The following TNRC6C variants were observed in gnomAD, a reference collection of about 807,000 sequenced individuals.
The protein encoded by TNRC6C is trinucleotide repeat containing adaptor 6C.
A neutral mutation model predicts 153.7 loss-of-function variants in TNRC6C; 20 were observed. The ratio of observed to expected loss-of-function variants is 0.13; its 90% CI spans 0.09 to 0.19. The LOEUF (loss-of-function observed/expected upper bound fraction) is 0.19. TNRC6C is among the 10% of genes least tolerant of loss of function. The pLI is 1.00. For missense variants in TNRC6C, 1,987 were observed against 2,172.0 expected (o/e 0.91, Z 1.69); for synonymous variants, 811 against 841.4 (o/e 0.96, Z 0.63).
In TNRC6C at chr17:78,075,189, G is replaced by A. The variant is rs1291733883; in HGVS notation, c.2971G>A (p.Asp991Asn). 5.0e-6 allele frequency: 8 copies of A among 1,610,330 alleles called. No homozygotes were observed. Among genetic ancestry groups the A allele is most frequent in the Admixed American group, 1.7e-5 (1 of 59,528 alleles). The change falls in exon 8 of 20, where the codon GAC becomes AAC. Residue 991 changes from aspartate (D) to asparagine (N), a missense_variant. Transcript: ENST00000301624. The surrounding 1 kb of genome is among the most constrained non-coding windows in gnomAD (Gnocchi z 4.2). ...GGACAAGCGTGGGCTGGGAGTGACC[G>A]ACCATAATGGAATGGCCGCCAAGCC...
intron 3 of TNRC6C, among the ~76,000 whole-genome samples, chr17:78,063,041 T>C (rs2072799576): frequency 6.6e-6 from 1 of 151,772 alleles, no homozygotes; most frequent in African/African-American, 2.4e-5. Flanking sequence ...AGGTCAGGAG[T>C]TCGAGACCAG....
chr17:78,068,914 A>C (rs1407751003), intron 5 of TNRC6C, among the ~76,000 whole-genome samples: 1 of 152,204 alleles, frequency 6.6e-6, no homozygotes, highest in Non-Finnish European at 1.5e-5. Context: ...TGCCCAATTC[A>C]GTCCACATTC....
In TNRC6C at chr17:78,049,384, G is replaced by A. The variant is rs747226511; in HGVS notation, c.322G>A (p.Ala108Thr). The change falls in exon 3 of 20, where the codon GCC (alanine) becomes ACC (threonine). Residue 108 changes from alanine to threonine, a missense_variant. Ala to Thr is a moderately conservative substitution (Grantham distance 58). This residue lies in a region of TNRC6C where 1,052 missense variants were observed against 1,017.0 expected (regional missense o/e 1.03). Transcript: ENST00000301624. This position sits in a 1 kb window ranked among gnomAD's most constrained non-coding sequence, Gnocchi z 4.1. The stretch of plus-strand genomic sequence containing the variant: ...CCTTAATCCTAATGCCAACCCAGCT[G>A]CCTGGCCTGTACTTGGACATGAAGG... 2 of 1,614,016 alleles carry A rather than the reference G, an allele frequency of 1.2e-6. No individual in the cohort carries two copies. The highest frequency in any genetic ancestry group is 2.2e-5 in the East Asian group (1 of 44,886).
intron 13 of TNRC6C, among the ~76,000 whole-genome samples, chr17:78,088,446 C>CAAGTCTCAA (rs1246502540): frequency 2.0e-5 from 3 of 151,840 alleles, no homozygotes; most frequent in Non-Finnish European, 2.9e-5. Flanking sequence ...GTTGCCCAGG[C>CAAGTCTCAA]AAGTCTCAAA....
intron 1 of TNRC6C, among the ~76,000 whole-genome samples, chr17:77,979,864 C>T (rs528439476): frequency 7.9e-5 from 12 of 152,244 alleles, no homozygotes; most frequent in East Asian, 3.9e-4. Context: ...GCAGTAAAGA[C>T]GGACAGTCTA....
upstream of TNRC6C, chr17:77,959,096 AGCCGCCGCCGCC>A (rs1005525455): frequency 7.0e-6 from 1 of 142,102 alleles, no homozygotes; most frequent in Admixed American, 7.0e-5. Flanking sequence ...CCGCCGCCGC[AGCCGCCGCCGCC>A]GCCCGCGCCG....
At chr17:78,029,987 GT>G (rs2143697480) in intron 1 of TNRC6C, among the ~76,000 whole-genome samples, 1 of 152,100 alleles carries the variant, frequency 6.6e-6, no homozygotes, top group African/African-American at 2.4e-5. Flanking sequence ...GCCTTAGGCT[GT>G]TTTACAGTTA....
intron 15 of TNRC6C, 197 bp from the exon 18 acceptor site, chr17:78,093,423 T>C: frequency 2.7e-6 from 2 of 736,022 alleles, no homozygotes; most frequent in South Asian, 3.8e-5. Flanking sequence ...ACTAGCTTAA[T>C]ATGATAGCTG....
At position 78,084,644 on chromosome 17, in the gene TNRC6C, G is replaced by A. The variant is rs1331313977; in HGVS notation, c.3477+1478G>A. On this transcript the variant is annotated intron_variant, in intron 11 of 19. Coordinates refer to ENST00000301624, the Ensembl canonical transcript of TNRC6C. ...TTCTTTTTTTTTTTTTTTTGAGACG[G>A]CGTCTTGCTAGTCTTGCTCTGTTGC... Among the ~76,000 whole-genome samples, 3 of 148,704 alleles carry A rather than the reference G, an allele frequency of 2.0e-5. No individual in the cohort carries two copies. In the East Asian group the frequency reaches 5.9e-4, roughly 29 times the overall value.
chr17:77,963,301 A>T (rs2070874930), intron 1 of TNRC6C, among the ~76,000 whole-genome samples: 3 of 152,232 alleles, frequency 2.0e-5, no homozygotes, highest in African/African-American at 7.2e-5. Flanking sequence ...TGTTTGAATA[A>T]CCCGATTAAA....
intron 17 of TNRC6C, among the ~76,000 whole-genome samples, chr17:78,099,568 A>G (rs934448832): frequency 2.0e-5 from 3 of 152,296 alleles, no homozygotes; most frequent in Middle Eastern, 3.4e-3. Flanking sequence ...TATCACGAGA[A>G]CAGCATGGAA....
chr17:78,031,061 A>C (rs1035246922), intron 1 of TNRC6C, among the ~76,000 whole-genome samples: 20 of 152,060 alleles, frequency 1.3e-4, no homozygotes, highest in African/African-American at 4.1e-4. Context: ...ATGGTGCCAT[A>C]CTGCCCTCCA....
At chr17:78,103,544 C>T (rs1348572533) in exon 19 of TNRC6C, 1 of 1,613,986 alleles carries the variant, frequency 6.2e-7, no homozygotes, top group Non-Finnish European at 8.5e-7. Flanking sequence ...GCCCAGAAGT[C>T]TCTGCACATG....
rs575140776 is a variant in TNRC6C, at chr17:78,022,349, G to A, written c.-545-9167G>A. On this transcript the variant is annotated intron_variant, in intron 1 of 19. Transcript: ENST00000301624. The stretch of plus-strand genomic sequence containing the variant: ...AGGAAACCATATTCCATATCCAAAT[G>A]TCTTAGAATTTGGTGGTTTATATTG... Among the ~76,000 whole-genome samples the A allele has an allele frequency of 1.5e-3, 224 of 152,316 alleles. 1 individual carries two copies. Among genetic ancestry groups the A allele is most frequent in the African/African-American group, 5.2e-3 (215 of 41,554 alleles).
chr17:77,979,102 A>ATAAATATGTTT (rs2071039358), intron 1 of TNRC6C, among the ~76,000 whole-genome samples: 1 of 152,206 alleles, frequency 6.6e-6, no homozygotes, highest in Non-Finnish European at 1.5e-5. Context: ...GGTAATGTTG[A>ATAAATATGTTT]TAAATATGTT....
chr17:77,960,437 A>C (rs551232678), intron 1 of TNRC6C, among the ~76,000 whole-genome samples: 1 of 152,306 alleles, frequency 6.6e-6, no homozygotes, highest in Non-Finnish European at 1.5e-5. Context: ...ACGTCCCTGA[A>C]TGTAATTTGA....
intron 15 of TNRC6C, chr17:78,093,348 A>G (rs1312619298): frequency 7.5e-6 from 5 of 668,974 alleles, no homozygotes; most frequent in Non-Finnish European, 7.5e-6. Context: ...TGAGGAGTGG[A>G]AGGGGTGGCA....
At chr17:77,996,535 G>A (rs1465340042) in intron 1 of TNRC6C, among the ~76,000 whole-genome samples, 2 of 152,192 alleles carry the variant, frequency 1.3e-5, no homozygotes, top group African/African-American at 2.4e-5. Flanking sequence ...TTGGCCTACT[G>A]TGAGTCTCAT....
At chr17:78,077,691 C>A in intron 9 of TNRC6C, 2 of 236,174 alleles carry the variant, frequency 8.5e-6, no homozygotes, top group African/African-American at 2.3e-5. Flanking sequence ...TCATGGCAAC[C>A]AAAACGACGT....
Sources: gnomAD v4.1 joint callset for allele counts (sites outside exome capture counted in the v4.1 genomes callset) on GRCh38, gnomAD v4.1.1 for gene constraint, gnomAD v4.1.1 regional missense constraint, Gnocchi (gnomAD v3.1) non-coding constraint, MANE v1.5 for transcripts, NCBI Gene and HGNC (gene_info 2026-07-23, HGNC 2026-07-21) for gene names.